Variants in TTLL5 observed in about 807,000 individuals in gnomAD.
TTLL5 encodes tubulin tyrosine ligase like 5, also known as tubulin polyglutamylase TTLL5.
In TTLL5, 132 loss-of-function variants were observed where a neutral mutation model predicts 168.4. That is an observed-to-expected ratio of 0.78 (90% CI 0.68 to 0.91). The LOEUF is 0.91. Ranked by LOEUF, TTLL5 falls within the 40% of genes least tolerant of loss-of-function variation. TTLL5 has a pLI of 0.00. For missense variants in TTLL5, 1,545 were observed against 1,581.5 expected, an observed-to-expected ratio of 0.98 and a Z score of 0.39; for synonymous variants, 546 against 558.6, an observed-to-expected ratio of 0.98 and a Z score of 0.32.
At chr14:75,864,453 CTG>C (rs1286855244) in intron 29 of TTLL5, among the ~76,000 whole-genome samples, 1 of 152,148 alleles carries the variant, frequency 6.6e-6, no homozygotes, top group Non-Finnish European at 1.5e-5. Context: ...TATAAGGTGA[CTG>C]TACACACAAA....
intron 9 of TTLL5, chr14:75,712,522 T>C (rs1379390749): frequency 1.4e-5 from 2 of 139,952 alleles, no homozygotes; most frequent in African/African-American, 2.7e-5. Flanking sequence ...AAAAAGAACA[T>C]GTGGGGTCAT....
intron 9 of TTLL5, among the ~76,000 whole-genome samples, chr14:75,708,338 A>T (rs545520212): frequency 4.2e-4 from 63 of 149,744 alleles, no homozygotes; most frequent in African/African-American, 1.5e-3. Flanking sequence ...TTGTACATAC[A>T]TTGTTCTCTT....
In TTLL5 at chr14:75,882,815, C is replaced by T; in HGVS notation, c.3653C>T (p.Pro1218Leu). 1 of 1,614,138 alleles carries T rather than the reference C, an allele frequency of 6.2e-7. No individual in the cohort carries two copies. Among genetic ancestry groups the T allele is most frequent in the South Asian group, 1.1e-5 (1 of 91,076 alleles). The change falls in exon 30 of 32, where the codon CCT becomes CTT. Residue 1218 changes from proline (P) to leucine (L), a missense_variant. Pro to Leu is a moderately conservative substitution (Grantham distance 98, BLOSUM62 -3). Coordinates refer to ENST00000298832, the MANE Select transcript of TTLL5 (RefSeq NM_015072.5). Reference protein sequence around the residue: ...PTTLPQKVVPPPSSCASLVPK... With the variant: ...PTTLPQKVVPLPSSCASLVPK... ...ACTCTGCCACAAAAAGTGGTACCACCTCCAAGTTCTTGCGCCTCCCTGGTT... is the reference window on the plus strand; with the variant it reads ...ACTCTGCCACAAAAAGTGGTACCACTTCCAAGTTCTTGCGCCTCCCTGGTT...
chr14:75,669,602 T>C (rs1252381237), intron 3 of TTLL5, 80 bp downstream of exon 3: 1 of 1,201,666 alleles, frequency 8.3e-7, no homozygotes, highest in Admixed American at 2.4e-5. Context: ...ATATGACATA[T>C]ATATAGGGAA....
intron 30 of TTLL5, chr14:75,886,938 A>G: frequency 7.0e-7 from 1 of 1,430,366 alleles, no homozygotes; most frequent in Non-Finnish European, 9.1e-7. Flanking sequence ...GGGTGGGGCC[A>G]AAGATGTTGT....
At chr14:75,811,714 G>A (rs186642319) in intron 27 of TTLL5, among the ~76,000 whole-genome samples, 28 of 152,272 alleles carry the variant, frequency 1.8e-4, no homozygotes, top group Non-Finnish European at 2.9e-4. Flanking sequence ...TTAAGCATTC[G>A]GGACTGCAGC....
Position 75,717,908 on chromosome 14 carries a change from A to T in TTLL5, c.788A>T (p.Gln263Leu). The change falls in exon 10 of 32, where the codon CAG (glutamine) becomes CTG (leucine). Residue 263 changes from glutamine (Q) to leucine (L), a missense_variant. Transcript: ENST00000298832. The part of the protein sequence containing the change: ...YDQGAKNIRN[Q>L]FMHLTNYSVN... ...CAAGGAGCCAAGAACATTCGGAACCAGTTCATGCATCTGACAAACTACAGT... is the reference window on the plus strand; with the variant it reads ...CAAGGAGCCAAGAACATTCGGAACCTGTTCATGCATCTGACAAACTACAGT... 1 of 1,613,868 alleles carries T rather than the reference A, an allele frequency of 6.2e-7. No homozygotes were observed. The highest frequency in any genetic ancestry group is 1.7e-4 in the Middle Eastern group (1 of 6,058).
chr14:75,897,991 G>A (rs1438551520), intron 30 of TTLL5, among the ~76,000 whole-genome samples: 4 of 152,126 alleles, frequency 2.6e-5, no homozygotes, highest in African/African-American at 4.8e-5. Flanking sequence ...TAACTTTTGT[G>A]TAGTGTAAAG....
At chr14:75,900,813 C>A (rs1246307714) in intron 30 of TTLL5, among the ~76,000 whole-genome samples, 6 of 152,252 alleles carry the variant, frequency 3.9e-5, no homozygotes, top group African/African-American at 1.4e-4. Flanking sequence ...GACCACTGTT[C>A]TCATCATCTA....
At chr14:75,785,282 C>T (rs779676079) in intron 26 of TTLL5, among the ~76,000 whole-genome samples, 8 of 150,160 alleles carry the variant, frequency 5.3e-5, no homozygotes, top group South Asian at 2.1e-4. Context: ...CAGGTTCAAG[C>T]GATTCTCTTG....
intron 29 of TTLL5, among the ~76,000 whole-genome samples, chr14:75,875,490 C>T (rs889070533): frequency 1.3e-5 from 2 of 150,640 alleles, no homozygotes; most frequent in Admixed American, 6.6e-5. Context: ...TGCAGTGAGC[C>T]GAGATCGTGC....
At chr14:75,781,003 A>C (rs142331899) in intron 24 of TTLL5, among the ~76,000 whole-genome samples, 1 of 152,326 alleles carries the variant, frequency 6.6e-6, no homozygotes, top group Admixed American at 6.5e-5. Flanking sequence ...TGAATAGAAT[A>C]AGAAAGCTGG....
At chr14:75,919,197 C>CAAAAAAAAAA (rs10655974) in intron 31 of TTLL5, among the ~76,000 whole-genome samples, 2 of 56,092 alleles carry the variant, frequency 3.6e-5, no homozygotes, top group Non-Finnish European at 6.1e-5. Context: ...AAGACCGTCT[C>CAAAAAAAAAA]AAAAAAAAAA....
intron 30 of TTLL5, 120 bp downstream of exon 30, chr14:75,883,022 G>A (rs1006883173): frequency 9.1e-7 from 1 of 1,095,332 alleles, no homozygotes; most frequent in Non-Finnish European, 1.3e-6. Flanking sequence ...ACACCTGCTG[G>A]GAAATAAAGG....
At chr14:75,840,888 G>A (rs1307842949) in intron 28 of TTLL5, among the ~76,000 whole-genome samples, 1 of 152,254 alleles carries the variant, frequency 6.6e-6, no homozygotes, top group South Asian at 2.1e-4. Context: ...GGTTTTATTG[G>A]CTCACAGTTC....
At position 75,849,641 on chromosome 14, in the gene TTLL5, G is replaced by A. The variant is rs370293816; in HGVS notation, c.3327-14026G>A. Among the ~76,000 whole-genome samples, 21 of 152,306 alleles carry A rather than the reference G, an allele frequency of 1.4e-4. No individual in the cohort carries two copies. The South Asian group carries it at 4.3e-3, about 32-fold the overall frequency. Reference sequence around the variant, plus strand: ...AGCCCAGCACTGATTCATGAAAAAAGTAAGTTATGCTAGAGTAACTTCATT... The same window carrying A: ...AGCCCAGCACTGATTCATGAAAAAAATAAGTTATGCTAGAGTAACTTCATT... On this transcript the variant is annotated intron_variant, in intron 28 of 31. Transcript: ENST00000298832.
chr14:75,771,384 C>T (rs1432169064), intron 20 of TTLL5, among the ~76,000 whole-genome samples: 1 of 152,096 alleles, frequency 6.6e-6, no homozygotes, highest in East Asian at 1.9e-4. Context: ...GCTGAGATTC[C>T]ACCACTACAC....
At chr14:75,952,657 C>T (rs1329109776) in intron 31 of TTLL5, among the ~76,000 whole-genome samples, 2 of 152,166 alleles carry the variant, frequency 1.3e-5, no homozygotes, top group African/African-American at 2.4e-5. Flanking sequence ...TCTATACACA[C>T]AATGGAATAT....
intron 18 of TTLL5, among the ~76,000 whole-genome samples, chr14:75,762,268 G>A (rs1490741542): frequency 6.6e-6 from 1 of 152,044 alleles, no homozygotes; most frequent in East Asian, 1.9e-4. Flanking sequence ...GGTGGCACAT[G>A]CCTGTAGTCT....
Sources: gnomAD v4.1 joint callset for allele counts (sites outside exome capture counted in the v4.1 genomes callset) on GRCh38, gnomAD v4.1.1 for gene constraint, MANE v1.5 for transcripts, NCBI Gene and HGNC (gene_info 2026-07-23, HGNC 2026-07-21) for gene names.